DUSP16: variants seen among roughly 807,000 people sequenced by gnomAD.
DUSP16 encodes the protein dual specificity phosphatase 16.
Under a neutral mutation model 58.3 loss-of-function variants are expected in DUSP16, and 21 were observed. The ratio of observed to expected loss-of-function variants is 0.36; its 90% CI spans 0.26 to 0.52. The LOEUF is 0.52. DUSP16 is among the 20% of genes least tolerant of loss of function. The pLI is 0.94. For synonymous variants in DUSP16, 320 were observed against 323.8 expected (o/e 0.99, Z 0.12); for missense variants, 726 against 819.0 (o/e 0.89, Z 1.39).
At chr12:12,517,675 C>A (rs1220360573) in intron 3 of DUSP16, among the ~76,000 whole-genome samples, 1 of 152,206 alleles carries the variant, frequency 6.6e-6, no homozygotes, top group Non-Finnish European at 1.5e-5. Context: ...TTAGGTGTCA[C>A]AAGAAATCCA....
chr12:12,529,677 C>A (rs1944358072), intron 1 of DUSP16, among the ~76,000 whole-genome samples: 1 of 152,168 alleles, frequency 6.6e-6, no homozygotes, highest in South Asian at 2.1e-4. Flanking sequence ...CAACATCTCC[C>A]CAGGCTTCCC....
intron 4 of DUSP16, among the ~76,000 whole-genome samples, chr12:12,499,100 G>A (rs1943873699): frequency 6.6e-6 from 1 of 152,190 alleles, no homozygotes; most frequent in Non-Finnish European, 1.5e-5. Context: ...ATTTAACTGA[G>A]TGTCAAAAGT....
At chr12:12,523,576 A>C (rs2136234542) in intron 1 of DUSP16, among the ~76,000 whole-genome samples, 1 of 152,352 alleles carries the variant, frequency 6.6e-6, no homozygotes, top group African/African-American at 2.4e-5. Flanking sequence ...AACAACTTTC[A>C]TTAATGTATT....
In DUSP16 at chr12:12,521,114, T is replaced by A. The variant is rs1371459514; in HGVS notation, c.-16A>T. The A allele has an allele frequency of 1.2e-5, 20 of 1,612,352 alleles. No individual in the cohort carries two copies. The highest frequency in any genetic ancestry group is 1.5e-5 in the Non-Finnish European group (18 of 1,179,136). ...CATGGGCCATGACAACAATAAGTCC[T>A]CTTTTCCCACCTCCTTCTTTAATTT... On this transcript the variant is annotated 5_prime_UTR_variant, in exon 2 of 7. Transcript: ENST00000298573.
chr12:12,477,273 C>T lies in DUSP16; in HGVS notation c.1558G>A (p.Gly520Ser), dbSNP rs150251039. The stretch of plus-strand genomic sequence containing the variant: ...AGGTGCTGCTGGCTGGTGGAAAGGC[C>T]GAAAAGGAAGCTGGTGTGGTAATTG... ...EDNYHTSFLF[G>S]LSTSQQHLTK... Residue 520 changes from glycine to serine, a missense_variant, in exon 7 of 7, where the codon GGC (glycine) becomes AGC (serine). Physicochemically the swap from Gly to Ser is moderately conservative, Grantham distance 56 (BLOSUM62 0). Coordinates refer to ENST00000298573, the MANE Select transcript of DUSP16 (RefSeq NM_030640.3). This position sits in a 1 kb window ranked among gnomAD's most constrained non-coding sequence, Gnocchi z 4.1. The T allele has an allele frequency of 1.1e-5, 18 of 1,614,164 alleles. No homozygotes were observed. In the East Asian group the frequency reaches 1.3e-4, roughly 12 times the overall value.
At chr12:12,493,553 A>G (rs984739205) in intron 4 of DUSP16, among the ~76,000 whole-genome samples, 1 of 152,176 alleles carries the variant, frequency 6.6e-6, no homozygotes, top group African/African-American at 2.4e-5. Flanking sequence ...TCCAAGTCCT[A>G]TGCAGAAATC....
At chr12:12,488,202 T>C (rs1387384878) in intron 4 of DUSP16, among the ~76,000 whole-genome samples, 2 of 152,176 alleles carry the variant, frequency 1.3e-5, no homozygotes, top group Non-Finnish European at 2.9e-5. Context: ...GTTCACACGA[T>C]TCCTGTGCTT....
chr12:12,480,424 C>T (rs746426793), intron 5 of DUSP16, 78 bp from the exon 6 acceptor site: 87 of 1,535,962 alleles, frequency 5.7e-5, no homozygotes, highest in Non-Finnish European at 7.3e-5. Context: ...TTTACTTACT[C>T]AGTGTCTTCC....
At chr12:12,534,989 C>T (rs570314816) in intron 1 of DUSP16, among the ~76,000 whole-genome samples, 1 of 152,208 alleles carries the variant, frequency 6.6e-6, no homozygotes, top group East Asian at 1.9e-4. Flanking sequence ...CAGGAAGACA[C>T]AAATTCTCAG....
At chr12:12,481,577 C>G (rs192771703) in intron 5 of DUSP16, among the ~76,000 whole-genome samples, 24 of 152,254 alleles carry the variant, frequency 1.6e-4, no homozygotes, top group African/African-American at 5.1e-4. Context: ...ATATAAGTTT[C>G]TAGTGTAATG....
intron 4 of DUSP16, 108 bp from the exon 5 acceptor site, chr12:12,487,295 A>G: frequency 7.9e-7 from 1 of 1,268,598 alleles, no homozygotes; most frequent in Non-Finnish European, 1.1e-6. Flanking sequence ...TTTCCTTGAA[A>G]TATAATTCAT....
intron 5 of DUSP16, among the ~76,000 whole-genome samples, chr12:12,484,616 AT>A (rs1291500853): frequency 1.3e-5 from 2 of 151,730 alleles, no homozygotes; most frequent in African/African-American, 2.4e-5. Flanking sequence ...ACCGTAATTT[AT>A]TTTTTTTATT....
chr12:12,505,170 G>A (rs944881875), intron 3 of DUSP16, among the ~76,000 whole-genome samples: 2 of 152,118 alleles, frequency 1.3e-5, no homozygotes, highest in Admixed American at 6.5e-5. Flanking sequence ...TCAGAATCAC[G>A]TAATATAATA....
intron 4 of DUSP16, among the ~76,000 whole-genome samples, chr12:12,491,916 C>G (rs374708067): frequency 2.6e-5 from 4 of 152,310 alleles, no homozygotes; most frequent in African/African-American, 9.6e-5. Flanking sequence ...TGATGATCTA[C>G]TAATTTTCTC....
chr12:12,532,977 C>T (rs999287039), intron 1 of DUSP16, among the ~76,000 whole-genome samples: 12 of 145,680 alleles, frequency 8.2e-5, no homozygotes, highest in African/African-American at 2.8e-4. Flanking sequence ...AGAAGATGAA[C>T]AAATGTAATG....
chr12:12,507,356 AG>A (rs1220197102), intron 3 of DUSP16, among the ~76,000 whole-genome samples: 1 of 152,178 alleles, frequency 6.6e-6, no homozygotes, highest in Non-Finnish European at 1.5e-5. Context: ...TCATTTAAAT[AG>A]GGAGCAAGTC....
intron 4 of DUSP16, among the ~76,000 whole-genome samples, chr12:12,492,762 A>G (rs12422540): frequency 0.44 from 66,781 of 151,774 alleles, 15,453 homozygotes; most frequent in East Asian, 0.7. Flanking sequence ...AAAACTGCTC[A>G]ATGATCACCA....
intron 1 of DUSP16, among the ~76,000 whole-genome samples, chr12:12,531,206 G>A (rs1415548238): frequency 6.6e-6 from 1 of 152,090 alleles, no homozygotes; most frequent in African/African-American, 2.4e-5. Flanking sequence ...TTTCCAAACA[G>A]GACTGGAAGG....
intron 1 of DUSP16, among the ~76,000 whole-genome samples, chr12:12,555,818 G>C (rs1362214959): frequency 6.6e-6 from 1 of 152,166 alleles, no homozygotes; most frequent in Non-Finnish European, 1.5e-5. Context: ...CGAGGTGGGA[G>C]GATTGATTGA....
Sources: gnomAD v4.1 joint callset for allele counts (sites outside exome capture counted in the v4.1 genomes callset) on GRCh38, gnomAD v4.1.1 for gene constraint, Gnocchi (gnomAD v3.1) non-coding constraint, MANE v1.5 for transcripts, NCBI Gene and HGNC (gene_info 2026-07-23, HGNC 2026-07-21) for gene names.